RFC3: variants seen among roughly 807,000 people sequenced by gnomAD.
RFC3 encodes A1 38 kDa subunit.
In RFC3, 41 loss-of-function variants were observed where a neutral mutation model predicts 45.1. That is an observed-to-expected ratio of 0.91 (90% confidence interval 0.71 to 1.18). The LOEUF (loss-of-function observed/expected upper bound fraction) is 1.18. Among genes scored for constraint, RFC3 ranks in the 50% most tolerant of loss-of-function variants. The pLI, the probability that RFC3 is intolerant of heterozygous loss-of-function variation, is 0.00. For synonymous variants in RFC3, 149 were observed against 144.0 expected (o/e 1.03, Z -0.25); for missense variants, 423 against 428.1 (o/e 0.99, Z 0.10).
chr13:33,865,345 C>G (rs1475196059), intron 8 of RFC3, among the ~76,000 whole-genome samples: 2 of 152,152 alleles, frequency 1.3e-5, no homozygotes, highest in African/African-American at 2.4e-5. Context: ...GCTGTTGTTT[C>G]CTTTGTGCTC....
At chr13:33,919,891 A>G (rs1414133863) in intron 8 of RFC3, among the ~76,000 whole-genome samples, 1 of 152,146 alleles carries the variant, frequency 6.6e-6, no homozygotes. Flanking sequence ...TGCATACTTA[A>G]CCTGGGTTGT....
chr13:33,885,440 A>G (rs542244199), intron 8 of RFC3, among the ~76,000 whole-genome samples: 1 of 152,172 alleles, frequency 6.6e-6, no homozygotes, highest in Non-Finnish European at 1.5e-5. Flanking sequence ...CATCACCTGG[A>G]TAATGTACAT....
In RFC3 at chr13:33,825,825, G is replaced by A; in HGVS notation, c.330G>A (p.Glu110=). 1 of 1,605,562 alleles carries A rather than the reference G, an allele frequency of 6.2e-7. No individual in the cohort carries two copies. The highest frequency in any genetic ancestry group is 1.3e-5 in the African/African-American group (1 of 74,622). The change falls in exon 4 of 9, where the codon GAG becomes GAA. Residue 110 remains glutamate, a synonymous_variant. Coordinates refer to ENST00000380071, the MANE Select transcript of RFC3 (RefSeq NM_002915.4). ...ATAGTGACCGAGTAGTCATTCAGGA[G>A]ATGTTGAAAACAGTGGCACAATCAC... is the stretch of plus-strand genomic sequence containing the variant. ...AGNSDRVVIQ[E]MLKTVAQSQQ...
intron 8 of RFC3, among the ~76,000 whole-genome samples, chr13:33,941,594 A>G (rs905890676): frequency 4.6e-5 from 7 of 152,092 alleles, no homozygotes; most frequent in African/African-American, 1.4e-4. Flanking sequence ...TTTAACTGCC[A>G]TTGTTTCTGT....
intron 8 of RFC3, among the ~76,000 whole-genome samples, chr13:33,925,004 TGTG>T (rs751996790): frequency 3.3e-5 from 5 of 150,166 alleles, no homozygotes; most frequent in East Asian, 2.0e-4. Flanking sequence ...CTAACTTAAT[TGTG>T]GTAATCATTT....
intron 8 of RFC3, among the ~76,000 whole-genome samples, chr13:33,933,921 G>T (rs867750715): frequency 6.6e-6 from 1 of 151,892 alleles, no homozygotes; most frequent in African/African-American, 2.4e-5. Context: ...GCAGGATTGG[G>T]GGAGGGAGAT....
At chr13:33,951,039 C>CTTTTTTTTTTT (rs926664684) in intron 8 of RFC3, among the ~76,000 whole-genome samples, 2 of 60,814 alleles carry the variant, frequency 3.3e-5, no homozygotes, top group Non-Finnish European at 2.9e-5. Context: ...TCTGATGGCT[C>CTTTTTTTTTTT]TTTTTTTTTT....
chr13:33,932,877 G>C (rs1172546345), intron 8 of RFC3, among the ~76,000 whole-genome samples: 2 of 152,136 alleles, frequency 1.3e-5, no homozygotes, highest in Non-Finnish European at 2.9e-5. Flanking sequence ...GGCTTTTGCT[G>C]TACATGTTTG....
chr13:33,912,452 A>T (rs1449568392), intron 8 of RFC3, among the ~76,000 whole-genome samples: 1 of 152,080 alleles, frequency 6.6e-6, no homozygotes, highest in Non-Finnish European at 1.5e-5. Context: ...TTCAGCATTG[A>T]GCTTTGAAAT....
intron 8 of RFC3, among the ~76,000 whole-genome samples, chr13:33,939,555 G>A (rs527978449): frequency 7.9e-5 from 12 of 152,282 alleles, no homozygotes; most frequent in African/African-American, 2.9e-4. Context: ...TAATAAACCA[G>A]TAAATGTAAG....
chr13:33,920,729 C>T (rs1400590693), intron 8 of RFC3, among the ~76,000 whole-genome samples: 1 of 152,046 alleles, frequency 6.6e-6, no homozygotes, highest in Admixed American at 6.6e-5. Context: ...AGCCACTGCA[C>T]CCAGCCAACC....
intron 8 of RFC3, among the ~76,000 whole-genome samples, chr13:33,914,782 T>C (rs1228677045): frequency 6.6e-6 from 1 of 152,132 alleles, no homozygotes; most frequent in African/African-American, 2.4e-5. Context: ...CTTAGAAATC[T>C]GAACAAAATT....
chr13:33,938,995 A>T (rs766426289), intron 8 of RFC3, among the ~76,000 whole-genome samples: 2 of 152,148 alleles, frequency 1.3e-5, no homozygotes, highest in Non-Finnish European at 2.9e-5. Context: ...TGGTTTTGAT[A>T]TGCTAATTAT....
At chr13:33,886,313 G>C (rs569768126) in intron 8 of RFC3, among the ~76,000 whole-genome samples, 1 of 152,060 alleles carries the variant, frequency 6.6e-6, no homozygotes, top group Non-Finnish European at 1.5e-5. Flanking sequence ...TTGGGAGGCC[G>C]AGGTGGGAGG....
intron 8 of RFC3, among the ~76,000 whole-genome samples, chr13:33,944,117 G>T (rs2082940846): frequency 6.6e-6 from 1 of 152,200 alleles, no homozygotes; most frequent in South Asian, 2.1e-4. Context: ...GGATTGATAG[G>T]AATTTGTTTG....
chr13:33,844,356 A>G (rs1334567758), intron 8 of RFC3, among the ~76,000 whole-genome samples: 1 of 152,042 alleles, frequency 6.6e-6, no homozygotes, highest in Non-Finnish European at 1.5e-5. Context: ...TGCTCTGCCC[A>G]CCTTCCAATT....
At chr13:33,901,213 T>A (rs2082639844) in intron 8 of RFC3, among the ~76,000 whole-genome samples, 1 of 152,020 alleles carries the variant, frequency 6.6e-6, no homozygotes, top group Non-Finnish European at 1.5e-5. Context: ...AGAAAGTAAA[T>A]CAACATTTTG....
chr13:33,877,672 TG>T (rs1231138262), intron 8 of RFC3, among the ~76,000 whole-genome samples: 1 of 150,154 alleles, frequency 6.7e-6, no homozygotes, highest in East Asian at 1.9e-4. Flanking sequence ...TGTATTATGA[TG>T]GATTATAAAC....
At chr13:33,944,160 G>C (rs2082941091) in intron 8 of RFC3, among the ~76,000 whole-genome samples, 1 of 152,132 alleles carries the variant, frequency 6.6e-6, no homozygotes, top group Non-Finnish European at 1.5e-5. Context: ...TTGTGTATTT[G>C]TGTCCTCTAT....
Sources: allele counts gnomAD v4.1 joint callset (sites outside exome capture counted in the v4.1 genomes callset), GRCh38; gene constraint gnomAD v4.1.1; transcripts MANE v1.5; gene names NCBI Gene and HGNC (gene_info 2026-07-23, HGNC 2026-07-21).